The following ZBTB4 variants were observed in gnomAD, a reference collection of about 807,000 sequenced individuals.
ZBTB4 encodes the protein zinc finger and BTB domain containing 4.
ZBTB4 carries 14 observed loss-of-function variants against 59.8 expected under a neutral mutation model. That is an observed-to-expected ratio of 0.23 (90% CI 0.15 to 0.37). The LOEUF (loss-of-function observed/expected upper bound fraction) is 0.37, where lower values mean the gene tolerates loss of function less well. Ranked by LOEUF, ZBTB4 falls within the 10% of genes least tolerant of loss-of-function variation. The pLI is 1.00. For synonymous variants in ZBTB4, 587 were observed against 575.2 expected (o/e 1.02, Z -0.29); for missense variants, 1,198 against 1,380.8 (o/e 0.87, Z 2.10).
In ZBTB4 at chr17:7,467,563, G is replaced by A. The variant is rs142014975; in HGVS notation, c.-80-236C>T. Among the ~76,000 whole-genome samples, 876 of 152,212 alleles carry A rather than the reference G, an allele frequency of 5.8e-3. 6 individuals carry two copies. Among genetic ancestry groups the A allele is most frequent in the African/African-American group, 0.019 (805 of 41,512 alleles). ...AGATTATTGCAGAGCCTTGTTCTGC[G>A]GGCCCAGAGAAGTACAGTGACAAGA... On this transcript the variant is annotated intron_variant, in intron 1 of 3. Coordinates refer to ENST00000380599, the MANE Select transcript of ZBTB4 (RefSeq NM_001128833.2).
intron 1 of ZBTB4, among the ~76,000 whole-genome samples, chr17:7,468,314 A>G (rs868109107): frequency 3.0e-4 from 46 of 152,150 alleles, no homozygotes; most frequent in African/African-American, 1.1e-3. Flanking sequence ...TGGAGGTTGC[A>G]GTGAGACGAG....
chr17:7,482,198 C>G (rs757292566), upstream of ZBTB4: 10 of 1,614,046 alleles, frequency 6.2e-6, no homozygotes, highest in South Asian at 1.1e-4. Context: ...CTCGCTGGAG[C>G]TGCTCATCTG....
At chr17:7,467,087 A>G in intron 2 of ZBTB4, 170 bp downstream of exon 2, 2 of 886,496 alleles carry the variant, frequency 2.3e-6, no homozygotes, top group Non-Finnish European at 2.7e-6. Flanking sequence ...GAAGTCACAG[A>G]CTAGAGATGT....
In ZBTB4 at chr17:7,462,073, T is replaced by A; in HGVS notation, c.2909A>T (p.Tyr970Phe). 1 of 1,600,182 alleles carries A rather than the reference T, an allele frequency of 6.2e-7. No individual in the cohort carries two copies. The highest frequency in any genetic ancestry group is 8.5e-7 in the Non-Finnish European group (1 of 1,172,806). Residue 970 changes from tyrosine (Y) to phenylalanine (F), a missense_variant, in exon 4 of 4, where the codon TAC becomes TTC. Tyr to Phe is a conservative substitution (Grantham distance 22, BLOSUM62 3). Around this residue, in one of 9 missense-constraint regions of ZBTB4, gnomAD observed 211 missense variants for 236.1 expected, o/e 0.89. Coordinates refer to ENST00000380599, the MANE Select transcript of ZBTB4 (RefSeq NM_001128833.2). The surrounding 1 kb of genome is among the most constrained non-coding windows in gnomAD (Gnocchi z 7.5). ...GGGTGCTGCTTGAGGATTCACTGCG[T>A]AGCCAAAGACCCCTGGTAGGAAGGG... ...ALPFLPGVFG[Y>F]AVNPQAAPPA...
chr17:7,474,352 G>A (rs1464501586), intron 1 of ZBTB4, among the ~76,000 whole-genome samples: 7 of 150,948 alleles, frequency 4.6e-5, no homozygotes, highest in South Asian at 4.2e-4. Flanking sequence ...CAAGTAGCTG[G>A]GACTACGGGC....
rs777425156 is a variant in ZBTB4, at chr17:7,463,894, G to A, written c.1092-4C>T. The stretch of plus-strand genomic sequence containing the variant: ...CCAACAGAAGATGCACTGGTACCTG[G>A]GTCAGGACAGCAGGGAATAGGGCAG... On this transcript the variant is annotated splice_region_variant and splice_polypyrimidine_tract_variant and intron_variant, in intron 3 of 3. Coordinates refer to ENST00000380599, the MANE Select transcript of ZBTB4 (RefSeq NM_001128833.2). 2 of 1,610,968 alleles carry A rather than the reference G, an allele frequency of 1.2e-6. No homozygotes were observed. Among genetic ancestry groups the A allele is most frequent in the Admixed American group, 1.7e-5 (1 of 59,866 alleles).
At chr17:7,479,811 G>C (rs1402352735), upstream of ZBTB4, among the ~76,000 whole-genome samples, 5 of 151,590 alleles carry the variant, frequency 3.3e-5, no homozygotes, top group Non-Finnish European at 7.4e-5. Context: ...CGCCGCGCTG[G>C]GCCACCGGGC....
chr17:7,462,002 G>C lies in ZBTB4; in HGVS notation c.2980C>G (p.Pro994Ala). 1 of 1,602,498 alleles carries C rather than the reference G, an allele frequency of 6.2e-7. No individual in the cohort carries two copies. Among genetic ancestry groups the C allele is most frequent in the Non-Finnish European group, 8.5e-7 (1 of 1,173,692 alleles). The stretch of plus-strand genomic sequence containing the variant: ...GCCCTTTCCCCTTCTCCCTTAGGGG[G>C]AATTGGTGGAGGAAGAGTTGGGGGA... Reference protein sequence around the residue: ...PPPPTLPPPIPPKGEGERAGV... With the variant: ...PPPPTLPPPIAPKGEGERAGV... The change falls in exon 4 of 4, where the codon CCC becomes GCC. Residue 994 changes from proline to alanine, a missense_variant. This residue lies in a region of ZBTB4 where 211 missense variants were observed against 236.1 expected (regional missense o/e 0.89). Transcript: ENST00000380599. This position sits in a 1 kb window ranked among gnomAD's most constrained non-coding sequence, Gnocchi z 7.5.
intron 3 of ZBTB4, among the ~76,000 whole-genome samples, chr17:7,464,204 C>T (rs1053970977): frequency 2.0e-5 from 3 of 152,188 alleles, no homozygotes; most frequent in South Asian, 4.1e-4. Flanking sequence ...AGGCCCTGCT[C>T]GGAATAGTGT....
chr17:7,480,150 A>G (rs1438814554), upstream of ZBTB4, among the ~76,000 whole-genome samples: 2 of 152,176 alleles, frequency 1.3e-5, no homozygotes, highest in African/African-American at 4.8e-5. Flanking sequence ...CATACGGGGC[A>G]CACACGAACG....
upstream of ZBTB4, chr17:7,483,425 T>C (rs2070373298): frequency 7.4e-6 from 2 of 270,988 alleles, no homozygotes; most frequent in South Asian, 8.3e-5. Context: ...AGGTTTCCTT[T>C]CCTCGTGCTT....
At chr17:7,483,025 T>A (rs745504681), upstream of ZBTB4, 3 of 1,610,200 alleles carry the variant, frequency 1.9e-6, no homozygotes, top group Non-Finnish European at 1.7e-6. Flanking sequence ...AGCCCGGGGG[T>A]TGGGAGGGAC....
rs2070039277 is a variant in ZBTB4, at chr17:7,462,556, G to C, written c.2426C>G (p.Thr809Ser). 1 of 1,613,816 alleles carries C rather than the reference G, an allele frequency of 6.2e-7. No individual in the cohort carries two copies. Among genetic ancestry groups the C allele is most frequent in the Non-Finnish European group, 8.5e-7 (1 of 1,179,972 alleles). The change falls in exon 4 of 4, where the codon ACC (threonine) becomes AGC (serine). Residue 809 changes from threonine to serine, a missense_variant. By Grantham distance (58) the Thr-to-Ser change is moderately conservative. Around this residue, in one of 9 missense-constraint regions of ZBTB4, gnomAD observed 550 missense variants for 541.8 expected, o/e 1.02. Transcript: ENST00000380599. This position sits in a 1 kb window ranked among gnomAD's most constrained non-coding sequence, Gnocchi z 7.5. ...VIAYSKGSAG[T>S]RPGDVKEEAP... Reference sequence around the variant, plus strand: ...TTCCTCCTTGACATCCCCGGGCCTGGTGCCAGCGCTGCCCTTGGAATAGGC... The same window carrying C: ...TTCCTCCTTGACATCCCCGGGCCTGCTGCCAGCGCTGCCCTTGGAATAGGC...
At position 7,462,545 on chromosome 17, in the gene ZBTB4, C is replaced by T. The variant is rs773439116; in HGVS notation, c.2437G>A (p.Asp813Asn). 1.2e-6 allele frequency: 2 copies of T among 1,613,908 alleles called. No individual in the cohort carries two copies. Among genetic ancestry groups the T allele is most frequent in the South Asian group, 2.2e-5 (2 of 91,086 alleles). Residue 813 changes from aspartate (D) to asparagine (N), a missense_variant, in exon 4 of 4, where the codon GAT becomes AAT. Transcript: ENST00000380599. This position sits in a 1 kb window ranked among gnomAD's most constrained non-coding sequence, Gnocchi z 7.5. ...TCTTGGGGGGCTTCCTCCTTGACAT[C>T]CCCGGGCCTGGTGCCAGCGCTGCCC... ...SKGSAGTRPG[D>N]VKEEAPQEMQ...
chr17:7,477,391 C>T (rs774870395), intron 1 of ZBTB4, among the ~76,000 whole-genome samples: 38 of 152,214 alleles, frequency 2.5e-4, no homozygotes, highest in African/African-American at 8.4e-4. Context: ...TGGACCATGG[C>T]TCCTTTCTCT....
rs373528109 is a variant in ZBTB4 at position 7,463,002 on chromosome 17, C to T, written c.1980G>A (p.Glu660=). The T allele has an allele frequency of 3.1e-6, 5 of 1,610,420 alleles. No individual in the cohort carries two copies. The highest frequency in any genetic ancestry group is 2.7e-5 in the African/African-American group (2 of 74,940). The change falls in exon 4 of 4, where the codon GAG becomes GAA. Residue 660 remains glutamate (E), a synonymous_variant. Transcript: ENST00000380599. ...EDEEESKAGG[E]DQLWRPYYSY... Reference sequence around the variant, plus strand: ...AGTAGTAGGGCCTCCAGAGCTGGTCCTCCCCACCAGCCTTTGATTCCTCCT... The same window carrying T: ...AGTAGTAGGGCCTCCAGAGCTGGTCTTCCCCACCAGCCTTTGATTCCTCCT...
Position 7,479,567 on chromosome 17 carries a change from G to GC in ZBTB4, c.-193dup, listed in dbSNP as rs932429769. 51 of 168,542 alleles carry GC rather than the reference G, an allele frequency of 3.0e-4. No individual in the cohort carries two copies. The highest frequency in any genetic ancestry group is 5.9e-4 in the Non-Finnish European group (48 of 81,962). 10.4% of individuals were successfully genotyped at this position (168,542 alleles called of 1,614,324 possible). A position where few individuals can be genotyped will look rare whatever the true frequency, so the allele number is the denominator to read the frequency against. On this transcript the variant is annotated 5_prime_UTR_variant, in exon 1 of 4. The change creates a premature stop within an existing upstream ORF in the 5' untranslated region. Coordinates refer to ENST00000380599, the MANE Select transcript of ZBTB4 (RefSeq NM_001128833.2). Reference sequence around the variant, plus strand: ...GGCTCCGGCTCCAGCTCCGGCCCTGGCCCCCCCAGCGCCTGGCCCCGGCCC... The same window carrying GC: ...GGCTCCGGCTCCAGCTCCGGCCCTGGCCCCCCCCAGCGCCTGGCCCCGGCCC...
At position 7,466,544 on chromosome 17, in the gene ZBTB4, G is replaced by A. The variant is rs2070128954; in HGVS notation, c.258C>T (p.Ser86=). The A allele has an allele frequency of 6.2e-7, 1 of 1,612,566 alleles. No homozygotes were observed. The highest frequency in any genetic ancestry group is 8.5e-7 in the Non-Finnish European group (1 of 1,179,380). The part of the protein sequence containing the change: ...PNPATTTAAS[S]SSSSSSSSSS... The stretch of plus-strand genomic sequence containing the variant: ...AAGAAGACGAGGAAGAGGAGGAGGA[G>A]GAAGAGGCAGCTGTGGTGGTGGCAG... Residue 86 remains serine (S), a synonymous_variant, in exon 3 of 4, where the codon TCC becomes TCT. Coordinates refer to ENST00000380599, the MANE Select transcript of ZBTB4 (RefSeq NM_001128833.2). This position sits in a 1 kb window ranked among gnomAD's most constrained non-coding sequence, Gnocchi z 9.1.
At chr17:7,481,601 C>T, upstream of ZBTB4, 1 of 1,038,408 alleles carries the variant, frequency 9.6e-7, no homozygotes, top group Admixed American at 3.3e-5. Flanking sequence ...TAAAACTTAG[C>T]TGTCTCAGAG....
Sources: gnomAD v4.1 joint callset for allele counts (sites outside exome capture counted in the v4.1 genomes callset) on GRCh38, gnomAD v4.1.1 for gene constraint, gnomAD v4.1.1 regional missense constraint, Gnocchi (gnomAD v3.1) non-coding constraint, MANE v1.5 for transcripts, NCBI Gene and HGNC (gene_info 2026-07-23, HGNC 2026-07-21) for gene names.